Variants in UGT1A8 observed in about 807,000 individuals in gnomAD.
The protein encoded by UGT1A8 is UDP glucuronosyltransferase family 1 member A8.
A neutral mutation model predicts 45.3 loss-of-function variants in UGT1A8; 39 were observed. That is an observed-to-expected ratio of 0.86 (90% CI 0.67 to 1.12). The LOEUF is 1.12. Among genes scored for constraint, UGT1A8 ranks in the 50% most tolerant of loss-of-function variants. The pLI, the probability that UGT1A8 is intolerant of heterozygous loss-of-function variation, is 0.00. For missense variants in UGT1A8, 719 were observed against 664.9 expected, an observed-to-expected ratio of 1.08 and a Z score of -0.90; for synonymous variants, 275 against 249.2, an observed-to-expected ratio of 1.10 and a Z score of -0.97.
intron 1 of UGT1A8, chr2:233,682,626 T>A (rs1248944936): frequency 6.2e-7 from 1 of 1,613,904 alleles, no homozygotes; most frequent in East Asian, 2.2e-5. Context: ...GTCTTAGAAA[T>A]AGCCTCTGAA....
intron 1 of UGT1A8, among the ~76,000 whole-genome samples, chr2:233,692,622 A>G (rs2075106076): frequency 6.6e-6 from 1 of 152,216 alleles, no homozygotes. Context: ...CATCATGGAC[A>G]TAACAGACAA....
At chr2:233,672,015 G>A (rs1320127609) in intron 1 of UGT1A8, 1 of 1,614,164 alleles carries the variant, frequency 6.2e-7, no homozygotes, top group Non-Finnish European at 8.5e-7. Context: ...AGGCAGGGAA[G>A]CTACTGGTAG....
intron 1 of UGT1A8, among the ~76,000 whole-genome samples, chr2:233,700,669 C>T (rs542466137): frequency 1.3e-5 from 2 of 151,964 alleles, no homozygotes; most frequent in Admixed American, 1.3e-4. Flanking sequence ...CTTTTCAGCA[C>T]AAATTCGTGA....
At chr2:233,636,186 CA>C (rs2073285584) in intron 1 of UGT1A8, among the ~76,000 whole-genome samples, 1 of 150,796 alleles carries the variant, frequency 6.6e-6, no homozygotes, top group African/African-American at 2.5e-5. Context: ...TAGCATTATT[CA>C]AATTTACTTT....
chr2:233,675,755 A>G (rs1242728659), intron 1 of UGT1A8, among the ~76,000 whole-genome samples: 1 of 152,198 alleles, frequency 6.6e-6, no homozygotes, highest in Non-Finnish European at 1.5e-5. Flanking sequence ...CCTTTATTCT[A>G]TCTTTTTAAA....
intron 1 of UGT1A8, among the ~76,000 whole-genome samples, chr2:233,628,188 T>A (rs2073125688): frequency 6.6e-6 from 1 of 152,118 alleles, no homozygotes. Flanking sequence ...TGTGTGTGGT[T>A]TAATAAATTT....
At chr2:233,755,474 T>TCTGTGAGGCC (rs1294746621) in intron 1 of UGT1A8, 2 of 236,996 alleles carry the variant, frequency 8.4e-6, no homozygotes, top group African/African-American at 4.6e-5. Context: ...TCTGTGAGGC[T>TCTGTGAGGCC]CTGTGAGGCC....
chr2:233,678,888 G>T (rs1386384880), intron 1 of UGT1A8, among the ~76,000 whole-genome samples: 1 of 152,038 alleles, frequency 6.6e-6, no homozygotes, highest in African/African-American at 2.4e-5. Context: ...TTCCTTGATT[G>T]GCTCTGTCAT....
intron 1 of UGT1A8, chr2:233,721,872 T>C: frequency 2.0e-6 from 1 of 500,280 alleles, no homozygotes. Context: ...TGGGCACACT[T>C]GCCAGCCCCT....
intron 1 of UGT1A8, among the ~76,000 whole-genome samples, chr2:233,697,807 T>G (rs943865448): frequency 3.9e-5 from 6 of 152,202 alleles, no homozygotes; most frequent in African/African-American, 1.4e-4. Flanking sequence ...TTTTAAATTT[T>G]CTTTTTAATT....
chr2:233,726,527 G>A (rs2125719925), intron 1 of UGT1A8, among the ~76,000 whole-genome samples: 1 of 152,108 alleles, frequency 6.6e-6, no homozygotes, highest in South Asian at 2.1e-4. Context: ...TCCACTTTTA[G>A]GGAGATGCAG....
intron 1 of UGT1A8, among the ~76,000 whole-genome samples, chr2:233,739,936 GT>G (rs143578493): frequency 0.012 from 1,757 of 151,974 alleles, 85 homozygotes; most frequent in African/African-American, 0.041. Flanking sequence ...ATGTGTTAAG[GT>G]TGGTACCTGG....
intron 1 of UGT1A8, among the ~76,000 whole-genome samples, chr2:233,628,416 A>G (rs1414548810): frequency 1.3e-5 from 2 of 152,110 alleles, no homozygotes; most frequent in African/African-American, 4.8e-5. Context: ...TCAAAACCCT[A>G]CTGTTCAATG....
At chr2:233,705,061 G>A (rs10180090) in intron 1 of UGT1A8, among the ~76,000 whole-genome samples, 62,946 of 151,510 alleles carry the variant, frequency 0.42, 13,988 homozygotes, top group African/African-American at 0.57. Context: ...GCTTGAACCC[G>A]GGAGGCGGAG....
chr2:233,771,657 A>G (rs1277760780), intron 4 of UGT1A8: 1 of 152,474 alleles, frequency 6.6e-6, no homozygotes, highest in Non-Finnish European at 1.5e-5. Flanking sequence ...AATATAATGA[A>G]ATTTCTCACA....
chr2:233,697,384 C>T (rs2075388171), intron 1 of UGT1A8, among the ~76,000 whole-genome samples: 1 of 152,004 alleles, frequency 6.6e-6, no homozygotes, highest in Non-Finnish European at 1.5e-5. Context: ...ACAATAATCG[C>T]TAATGATCCT....
intron 1 of UGT1A8, among the ~76,000 whole-genome samples, chr2:233,652,555 C>A (rs546619773): frequency 3.7e-4 from 57 of 152,136 alleles, no homozygotes; most frequent in Non-Finnish European, 5.6e-4. Flanking sequence ...AAATCAATAA[C>A]TCTTTAATAT....
At chr2:233,631,172 A>C (rs2073179820) in intron 1 of UGT1A8, among the ~76,000 whole-genome samples, 1 of 152,150 alleles carries the variant, frequency 6.6e-6, no homozygotes, top group South Asian at 2.1e-4. Flanking sequence ...ACATGAATGC[A>C]TCCTTTTTAA....
intron 1 of UGT1A8, among the ~76,000 whole-genome samples, chr2:233,665,471 T>C (rs1436062976): frequency 6.6e-6 from 1 of 152,226 alleles, no homozygotes; most frequent in Non-Finnish European, 1.5e-5. Flanking sequence ...TGTGGCAAAG[T>C]AGTGCCTTGT....
Sources: gnomAD v4.1 joint callset for allele counts (sites outside exome capture counted in the v4.1 genomes callset) on GRCh38, gnomAD v4.1.1 for gene constraint, MANE v1.5 for transcripts, NCBI Gene and HGNC (gene_info 2026-07-23, HGNC 2026-07-21) for gene names.